The following SNTG1 variants were observed in gnomAD, a reference collection of about 807,000 sequenced individuals.
SNTG1 encodes syntrophin gamma 1, also known as gamma-1-syntrophin.
SNTG1 carries 39 observed loss-of-function variants against 74.7 expected under a neutral mutation model. The ratio of observed to expected loss-of-function variants is 0.52; its 90% CI spans 0.40 to 0.68. SNTG1 has a LOEUF of 0.68. SNTG1 is among the 30% of genes least tolerant of loss of function. The pLI, the probability that SNTG1 is intolerant of heterozygous loss-of-function variation, is 0.00. For missense variants in SNTG1, 685 were observed against 609.5 expected, an observed-to-expected ratio of 1.12 and a Z score of -1.30; for synonymous variants, 254 against 217.1, an observed-to-expected ratio of 1.17 and a Z score of -1.49.
intron 1 of SNTG1, among the ~76,000 whole-genome samples, chr8:49,971,525 C>A (rs1295891169): frequency 6.6e-6 from 1 of 151,992 alleles, no homozygotes; most frequent in Admixed American, 6.6e-5. Flanking sequence ...GGCAAATAGG[C>A]AGAAGAAGGA....
chr8:50,715,871 T>G (rs2095473782), intron 17 of SNTG1, among the ~76,000 whole-genome samples: 1 of 152,254 alleles, frequency 6.6e-6, no homozygotes, highest in African/African-American at 2.4e-5. Context: ...AAATTCACTG[T>G]TAACACATTA....
At chr8:50,342,652 G>C (rs2091352060) in intron 2 of SNTG1, among the ~76,000 whole-genome samples, 1 of 152,030 alleles carries the variant, frequency 6.6e-6, no homozygotes, top group Non-Finnish European at 1.5e-5. Context: ...ATTCCCCCCA[G>C]CAAAACTGAA....
intron 2 of SNTG1, among the ~76,000 whole-genome samples, chr8:50,284,819 A>C (rs2088673432): frequency 6.6e-6 from 1 of 152,030 alleles, no homozygotes; most frequent in Non-Finnish European, 1.5e-5. Context: ...ATCTATCTAG[A>C]TATATTATCT....
At chr8:50,403,803 C>A (rs1243077258) in intron 4 of SNTG1, among the ~76,000 whole-genome samples, 1 of 152,128 alleles carries the variant, frequency 6.6e-6, no homozygotes, top group African/African-American at 2.4e-5. Context: ...TATGAATAGA[C>A]AAGAATTTTC....
chr8:49,957,564 C>T (rs1585656199), intron 1 of SNTG1, among the ~76,000 whole-genome samples: 1 of 152,254 alleles, frequency 6.6e-6, no homozygotes, highest in East Asian at 1.9e-4. Flanking sequence ...GAAGGATAGT[C>T]CAGCAGGAAA....
At chr8:50,742,992 AT>A (rs1168478450) in intron 17 of SNTG1, among the ~76,000 whole-genome samples, 1 of 151,828 alleles carries the variant, frequency 6.6e-6, no homozygotes, top group African/African-American at 2.4e-5. Flanking sequence ...TATTAAGGGG[AT>A]TGAATCCATA....
Position 50,245,453 on chromosome 8 carries a change from C to T in SNTG1, c.-28+72818C>T, listed in dbSNP as rs554825880. On this transcript the variant is annotated intron_variant, in intron 2 of 18. Transcript: ENST00000642720. ...ATCTCAGCACTTTGGAAGGCTGAGG[C>T]GTGCGGATCACCTGAGATCAAAAGA... 1.7e-4 allele frequency among the ~76,000 whole-genome samples: 26 copies of T among 152,156 alleles called. No individual in the cohort carries two copies. The South Asian group carries it at 3.9e-3, about 23-fold the overall frequency.
At chr8:50,490,006 A>G (rs199695888) in intron 8 of SNTG1, among the ~76,000 whole-genome samples, 1 of 152,080 alleles carries the variant, frequency 6.6e-6, no homozygotes, top group Non-Finnish European at 1.5e-5. Flanking sequence ...AGTTTTCCCA[A>G]CACCATTTAT....
intron 8 of SNTG1, among the ~76,000 whole-genome samples, chr8:50,457,668 G>A (rs184086316): frequency 1.9e-4 from 29 of 152,270 alleles, no homozygotes; most frequent in African/African-American, 6.5e-4. Context: ...GACAAGACGG[G>A]GGGAATCCTG....
intron 2 of SNTG1, among the ~76,000 whole-genome samples, chr8:50,379,211 T>G (rs1431447245): frequency 6.6e-6 from 1 of 152,062 alleles, no homozygotes; most frequent in Non-Finnish European, 1.5e-5. Flanking sequence ...AACAGCTGGG[T>G]GGGCTTCGAC....
At chr8:50,501,131 G>C (rs961439957) in intron 8 of SNTG1, among the ~76,000 whole-genome samples, 1 of 152,146 alleles carries the variant, frequency 6.6e-6, no homozygotes, top group Non-Finnish European at 1.5e-5. Context: ...ACTGATGTTT[G>C]CTGCCTTGCC....
At chr8:50,714,013 C>T (rs1178403137) in intron 17 of SNTG1, among the ~76,000 whole-genome samples, 7 of 146,824 alleles carry the variant, frequency 4.8e-5, no homozygotes, top group Admixed American at 3.5e-4. Flanking sequence ...GAGTGGACAT[C>T]GCACCACTGC....
chr8:50,278,501 A>G (rs1273489585), intron 2 of SNTG1, among the ~76,000 whole-genome samples: 2 of 152,196 alleles, frequency 1.3e-5, no homozygotes, highest in African/African-American at 2.4e-5. Context: ...AATCATAAAC[A>G]AGGACTCTTT....
intron 6 of SNTG1, 39 bp downstream of exon 6, chr8:50,449,764 A>G (rs772409100): frequency 3.3e-6 from 5 of 1,492,796 alleles, no homozygotes; most frequent in Non-Finnish European, 4.5e-6. Context: ...CCATTTCTTT[A>G]AGGCATTGTT....
At chr8:50,152,618 T>C (rs1165729505) in intron 1 of SNTG1, among the ~76,000 whole-genome samples, 3 of 152,238 alleles carry the variant, frequency 2.0e-5, no homozygotes, top group African/African-American at 7.2e-5. Context: ...AGAAAATCTC[T>C]CAGCATTTGC....
intron 13 of SNTG1, among the ~76,000 whole-genome samples, chr8:50,592,694 T>C (rs1352952332): frequency 6.6e-6 from 1 of 152,214 alleles, no homozygotes; most frequent in African/African-American, 2.4e-5. Flanking sequence ...TTTGCTAGCC[T>C]GTTAATATTA....
intron 13 of SNTG1, among the ~76,000 whole-genome samples, chr8:50,649,799 A>G (rs1321245830): frequency 6.6e-6 from 1 of 151,406 alleles, no homozygotes; most frequent in East Asian, 1.9e-4. Context: ...TTAAATTTCT[A>G]TTTTTTACTA....
intron 13 of SNTG1, among the ~76,000 whole-genome samples, chr8:50,650,053 T>A (rs1482297925): frequency 3.9e-5 from 6 of 151,922 alleles, no homozygotes; most frequent in Non-Finnish European, 5.9e-5. Context: ...GTAGTGTATA[T>A]TCCTGTATTG....
intron 1 of SNTG1, among the ~76,000 whole-genome samples, chr8:50,085,304 T>C (rs1415930371): frequency 6.6e-6 from 1 of 152,212 alleles, no homozygotes; most frequent in African/African-American, 2.4e-5. Context: ...ATCTACACTC[T>C]CCTTTTTAAA....
Sources: allele counts gnomAD v4.1 joint callset (sites outside exome capture counted in the v4.1 genomes callset), GRCh38; gene constraint gnomAD v4.1.1; transcripts MANE v1.5; gene names NCBI Gene and HGNC (gene_info 2026-07-23, HGNC 2026-07-21).